The following FAM222A variants were observed in gnomAD, a reference collection of about 807,000 sequenced individuals.
FAM222A encodes family with sequence similarity 222 member A.
In FAM222A, 7 loss-of-function variants were observed where a neutral mutation model predicts 25.8. That is an observed-to-expected ratio of 0.27 (90% CI 0.15 to 0.51). The LOEUF (loss-of-function observed/expected upper bound fraction) is 0.51. Ranked by LOEUF, FAM222A falls within the 20% of genes least tolerant of loss-of-function variation. The pLI, the probability that FAM222A is intolerant of heterozygous loss-of-function variation, is 0.97. For missense variants in FAM222A, 573 were observed against 640.5 expected (o/e 0.89, Z 1.14); for synonymous variants, 294 against 298.8 (o/e 0.98, Z 0.17).
At chr12:109,741,033 G>A (rs1248482208) in intron 1 of FAM222A, among the ~76,000 whole-genome samples, 1 of 152,222 alleles carries the variant, frequency 6.6e-6, no homozygotes, top group East Asian at 1.9e-4. Flanking sequence ...GAGATGAGGT[G>A]TGGTGGGCAA....
intron 2 of FAM222A, among the ~76,000 whole-genome samples, chr12:109,761,035 G>A (rs924855101): frequency 6.6e-5 from 10 of 152,184 alleles, no homozygotes; most frequent in East Asian, 1.9e-4. Flanking sequence ...GAGCTAAGCC[G>A]GCTCTTAACA....
intron 2 of FAM222A, chr12:109,744,476 GACC>G (rs1888336592): frequency 2.0e-6 from 2 of 985,232 alleles, no homozygotes; most frequent in Admixed American, 6.2e-5. Flanking sequence ...AGCCTCTTCT[GACC>G]ACCACCATCG....
At chr12:109,763,275 C>T (rs188436152) in intron 2 of FAM222A, among the ~76,000 whole-genome samples, 1 of 152,356 alleles carries the variant, frequency 6.6e-6, no homozygotes, top group East Asian at 1.9e-4. Flanking sequence ...CTCTGAGCTT[C>T]CACTTCCTGC....
chr12:109,747,970 T>C (rs906911330), intron 2 of FAM222A, among the ~76,000 whole-genome samples: 2 of 152,250 alleles, frequency 1.3e-5, no homozygotes, highest in Non-Finnish European at 2.9e-5. Context: ...ATAGACATTC[T>C]TGCTTTGTAG....
In FAM222A at chr12:109,744,220, T is replaced by C. The variant is rs939965942; in HGVS notation, c.74T>C (p.Leu25Pro). Residue 25 changes from leucine to proline, a missense_variant, in exon 2 of 3, where the codon CTG (leucine) becomes CCG (proline). By Grantham distance (98) the Leu-to-Pro change is moderately conservative. Coordinates refer to ENST00000538780, the MANE Select transcript of FAM222A (RefSeq NM_032829.3). ...GCCTGCCCGAGCAAGAGCCTGGAGC[T>C]GCGCAAGTGTGAGTAGGACGCCTCC... ...HLACPSKSLE[L>P]RKCEAVASAM... is the part of the protein sequence containing the mutation. The C allele has an allele frequency of 1.9e-6, 3 of 1,612,944 alleles. No individual in the cohort carries two copies. The highest frequency in any genetic ancestry group is 2.7e-5 in the African/African-American group (2 of 75,030).
chr12:109,729,836 CACAT>C (rs1338299906), intron 1 of FAM222A, among the ~76,000 whole-genome samples: 1 of 149,994 alleles, frequency 6.7e-6, no homozygotes, highest in Non-Finnish European at 1.5e-5. Flanking sequence ...ATTTAATAAA[CACAT>C]ACAATTCATT....
chr12:109,733,771 T>C (rs1323536110), intron 1 of FAM222A, among the ~76,000 whole-genome samples: 6 of 152,082 alleles, frequency 3.9e-5, no homozygotes, highest in African/African-American at 1.2e-4. Context: ...AAACCATAAG[T>C]GCAAAGGCCC....
rs748407586 is a variant in FAM222A at position 109,768,139 on chromosome 12, C to T, written c.210C>T (p.Pro70=). ...TCTTCCCCACCAACATCCGTGTGCC[C>T]CAGCACAAGCACCTCAGCCGCACAG... The part of the protein sequence containing the change: ...IKIFPTNIRV[P]QHKHLSRTVN... The change falls in exon 3 of 3, where the codon CCC becomes CCT. Residue 70 remains proline, a synonymous_variant. Transcript: ENST00000538780. The T allele has an allele frequency of 6.2e-7, 1 of 1,614,020 alleles. No individual in the cohort carries two copies. The highest frequency in any genetic ancestry group is 8.5e-7 in the Non-Finnish European group (1 of 1,180,028).
intron 1 of FAM222A, among the ~76,000 whole-genome samples, chr12:109,724,720 G>A (rs912228598): frequency 2.0e-4 from 31 of 152,266 alleles, no homozygotes; most frequent in Middle Eastern, 3.4e-3. Context: ...AGTGCTGGAC[G>A]TAAAGTGCTT....
chr12:109,732,748 A>C (rs896286569), intron 1 of FAM222A, among the ~76,000 whole-genome samples: 1 of 152,246 alleles, frequency 6.6e-6, no homozygotes. Flanking sequence ...GTGTACACAC[A>C]CACACATACA....
intron 2 of FAM222A, among the ~76,000 whole-genome samples, chr12:109,755,641 G>T (rs890663997): frequency 6.6e-6 from 1 of 152,128 alleles, no homozygotes; most frequent in Non-Finnish European, 1.5e-5. Flanking sequence ...AATTCATTTT[G>T]AGTTAAGTTT....
chr12:109,756,532 A>G (rs965330214), intron 2 of FAM222A, among the ~76,000 whole-genome samples: 7 of 151,826 alleles, frequency 4.6e-5, no homozygotes, highest in African/African-American at 1.5e-4. Context: ...GATGTTAACT[A>G]TGTAGTTTTC....
chr12:109,752,294 A>G (rs1888583748), intron 2 of FAM222A, among the ~76,000 whole-genome samples: 1 of 152,246 alleles, frequency 6.6e-6, no homozygotes, highest in African/African-American at 2.4e-5. Flanking sequence ...TTATTGGAAA[A>G]GACAGTGACT....
Position 109,744,191 on chromosome 12 carries a change from C to A in FAM222A, c.45C>A (p.His15Gln). The A allele has an allele frequency of 6.2e-7, 1 of 1,613,494 alleles. No individual in the cohort carries two copies. The highest frequency in any genetic ancestry group is 8.5e-7 in the Non-Finnish European group (1 of 1,180,008). Reference sequence around the variant, plus strand: ...GGACCCAGAACGCCCCGGGCCAACACCTGGCCTGCCCGAGCAAGAGCCTGG... The same window carrying A: ...GGACCCAGAACGCCCCGGGCCAACAACTGGCCTGCCCGAGCAAGAGCCTGG... Reference protein sequence around the residue: ...LQRTQNAPGQHLACPSKSLEL... With the variant: ...LQRTQNAPGQQLACPSKSLEL... Residue 15 changes from histidine (H) to glutamine (Q), a missense_variant, in exon 2 of 3, where the codon CAC becomes CAA. By Grantham distance (24) the His-to-Gln change is conservative (BLOSUM62 0). This residue lies in a region of FAM222A where 112 missense variants were observed against 154.6 expected (regional missense o/e 0.72). Coordinates refer to ENST00000538780, the MANE Select transcript of FAM222A (RefSeq NM_032829.3).
intron 1 of FAM222A, among the ~76,000 whole-genome samples, chr12:109,733,166 G>A (rs532646678): frequency 3.3e-5 from 5 of 152,222 alleles, no homozygotes; most frequent in African/African-American, 1.2e-4. Flanking sequence ...GTCCACAGGT[G>A]GCATTGAACA....
intron 2 of FAM222A, among the ~76,000 whole-genome samples, chr12:109,765,946 C>G (rs1889036858): frequency 6.6e-6 from 1 of 152,200 alleles, no homozygotes; most frequent in African/African-American, 2.4e-5. Context: ...TCAAACCCTC[C>G]CAGCCATCTT....
rs1889117826 is a variant in FAM222A at position 109,768,264 on chromosome 12, C to G, written c.335C>G (p.Ser112Cys). The stretch of plus-strand genomic sequence containing the variant: ...GCCATTGTCAAGGCCGCGGTTTCCT[C>G]CTCCAGCACGGCCGCACCAGCTGGG... Reference protein sequence around the residue: ...LLAIVKAAVSSSSTAAPAGPA... With the variant: ...LLAIVKAAVSCSSTAAPAGPA... Residue 112 changes from serine (S) to cysteine (C), a missense_variant, in exon 3 of 3, where the codon TCC becomes TGC. This residue lies in a region of FAM222A where 412 missense variants were observed against 407.0 expected (regional missense o/e 1.01). Transcript: ENST00000538780. The G allele has an allele frequency of 2.5e-6, 4 of 1,608,038 alleles. No homozygotes were observed. In the Admixed American group the frequency reaches 6.7e-5, roughly 27 times the overall value.
intron 2 of FAM222A, among the ~76,000 whole-genome samples, chr12:109,767,086 T>C (rs558734188): frequency 3.4e-5 from 5 of 147,346 alleles, no homozygotes; most frequent in Admixed American, 6.8e-5. Flanking sequence ...TTTTTTTTTT[T>C]CTTATAAAGA....
chr12:109,751,656 A>G (rs916094588), intron 2 of FAM222A, among the ~76,000 whole-genome samples: 15 of 152,214 alleles, frequency 9.9e-5, no homozygotes, highest in Non-Finnish European at 1.2e-4. Flanking sequence ...TATGGTTTGT[A>G]GCCCCACCTA....
Sources: allele counts gnomAD v4.1 joint callset (sites outside exome capture counted in the v4.1 genomes callset), GRCh38; gene constraint gnomAD v4.1.1; regional missense constraint gnomAD v4.1.1; transcripts MANE v1.5; gene names NCBI Gene and HGNC (gene_info 2026-07-23, HGNC 2026-07-21).